Variants in SETBP1 observed in about 807,000 individuals in gnomAD.
SETBP1 encodes SET-binding protein.
Under a neutral mutation model 101.0 loss-of-function variants are expected in SETBP1, and 9 were observed. The ratio of observed to expected loss-of-function variants is 0.09; its 90% CI spans 0.05 to 0.16. The LOEUF (loss-of-function observed/expected upper bound fraction) is 0.16, where lower values mean the gene tolerates loss of function less well. Among genes scored for constraint, SETBP1 ranks in the 10% least tolerant of loss-of-function variants. The pLI is 1.00. For synonymous variants in SETBP1, 818 were observed against 788.5 expected, an observed-to-expected ratio of 1.04 and a Z score of -0.63; for missense variants, 1,858 against 2,033.8, an observed-to-expected ratio of 0.91 and a Z score of 1.66.
chr18:44,818,640 G>A (rs1472855761), intron 2 of SETBP1, among the ~76,000 whole-genome samples: 1 of 151,944 alleles, frequency 6.6e-6, no homozygotes, highest in African/African-American at 2.4e-5. Context: ...AAAGTTAAAG[G>A]TCTACAGAGA....
intron 4 of SETBP1, among the ~76,000 whole-genome samples, chr18:45,015,476 C>T (rs913920734): frequency 3.9e-5 from 6 of 152,086 alleles, no homozygotes; most frequent in Non-Finnish European, 8.8e-5. Flanking sequence ...CTTAACCTTT[C>T]GCAGGGCCTT....
chr18:44,760,677 A>C (rs570823707), intron 2 of SETBP1, among the ~76,000 whole-genome samples: 5 of 152,374 alleles, frequency 3.3e-5, no homozygotes, highest in Admixed American at 3.3e-4. Context: ...AGTGTGCGAT[A>C]ACAATACATT....
intron 2 of SETBP1, 88 bp downstream of exon 2, chr18:44,701,920 A>G (rs1568098063): frequency 6.2e-6 from 9 of 1,446,036 alleles, no homozygotes; most frequent in South Asian, 3.7e-5. Context: ...TTTATATATT[A>G]TATTTGACTC....
intron 4 of SETBP1, among the ~76,000 whole-genome samples, chr18:45,008,469 G>A (rs1476407014): frequency 1.3e-5 from 2 of 152,164 alleles, no homozygotes; most frequent in African/African-American, 4.8e-5. Flanking sequence ...CTGCCCTTAG[G>A]GAAGTAATGA....
chr18:44,948,525 A>ATAGATAGATAGATAGATAGG (rs1437028673), intron 3 of SETBP1, among the ~76,000 whole-genome samples: 1 of 152,180 alleles, frequency 6.6e-6, no homozygotes, highest in East Asian at 1.9e-4. Flanking sequence ...AGATAGATAG[A>ATAGATAGATAGATAGATAGG]TAGATGATAG....
intron 2 of SETBP1, among the ~76,000 whole-genome samples, chr18:44,727,110 G>A (rs529486052): frequency 1.3e-5 from 2 of 151,858 alleles, no homozygotes; most frequent in South Asian, 4.2e-4. Context: ...TGGGTAACTA[G>A]CATTGGAACA....
chr18:44,758,705 G>T (rs554285438), intron 2 of SETBP1, among the ~76,000 whole-genome samples: 1 of 152,180 alleles, frequency 6.6e-6, no homozygotes, highest in Non-Finnish European at 1.5e-5. Flanking sequence ...AAAAGATCTT[G>T]CTGCTGATTT....
At chr18:44,715,963 A>T (rs1250133586) in intron 2 of SETBP1, among the ~76,000 whole-genome samples, 1 of 152,088 alleles carries the variant, frequency 6.6e-6, no homozygotes, top group Non-Finnish European at 1.5e-5. Context: ...CTTCTCAGTC[A>T]TCTGTATCCT....
At chr18:44,915,992 G>A (rs1001515555) in intron 3 of SETBP1, among the ~76,000 whole-genome samples, 3 of 152,126 alleles carry the variant, frequency 2.0e-5, no homozygotes, top group Non-Finnish European at 4.4e-5. Flanking sequence ...TTGGGAGGCC[G>A]AGTCAGGCAG....
chr18:44,928,078 G>A (rs1029931989), intron 3 of SETBP1, among the ~76,000 whole-genome samples: 5 of 151,990 alleles, frequency 3.3e-5, no homozygotes, highest in South Asian at 2.1e-4. Flanking sequence ...TATCCCTCAC[G>A]CCTCACCCCA....
At chr18:45,026,316 C>T (rs940390790) in intron 4 of SETBP1, among the ~76,000 whole-genome samples, 2 of 152,088 alleles carry the variant, frequency 1.3e-5, no homozygotes, top group African/African-American at 4.8e-5. Flanking sequence ...CTTTGAGCAC[C>T]AAGCCAGCAT....
At chr18:44,909,933 C>T (rs890233714) in intron 3 of SETBP1, among the ~76,000 whole-genome samples, 2 of 152,208 alleles carry the variant, frequency 1.3e-5, no homozygotes, top group African/African-American at 4.8e-5. Context: ...AATTAAGACT[C>T]TTAAGAGCAG....
chr18:44,952,694 G>C lies in SETBP1; in HGVS notation c.3354G>C (p.Gln1118His). 6.2e-7 allele frequency: 1 copy of C among 1,614,132 alleles called. No individual in the cohort carries two copies. The highest frequency in any genetic ancestry group is 8.5e-7 in the Non-Finnish European group (1 of 1,180,028). ...AAGCCAAGCATGGAGTACACCTGCAGGGACCTGTTAGCATGGGCCTTGGTG... is the reference window on the plus strand; with the variant it reads ...AAGCCAAGCATGGAGTACACCTGCACGGACCTGTTAGCATGGGCCTTGGTG... The part of the protein sequence containing the change: ...KHKAKHGVHL[Q>H]GPVSMGLGDM... The change falls in exon 4 of 6, where the codon CAG becomes CAC. Residue 1118 changes from glutamine (Q) to histidine (H), a missense_variant. Physicochemically the swap from Gln to His is conservative, Grantham distance 24 (BLOSUM62 0). Transcript: ENST00000649279.
rs113870439 is a variant in SETBP1 at position 45,000,793 on chromosome 18, A to AACACACACACAC, written c.4001-37671_4001-37660dup. The stretch of plus-strand genomic sequence containing the variant: ...GCCATACATCAACGGGAATGCACAC[A>AACACACACACAC]ACACACACACACACACACACACACA... On this transcript the variant is annotated intron_variant, in intron 4 of 5. Coordinates refer to ENST00000649279, the MANE Select transcript of SETBP1 (RefSeq NM_015559.3). Among the ~76,000 whole-genome samples, 438 of 146,792 alleles carry AACACACACACAC rather than the reference A, an allele frequency of 3.0e-3. 1 individual carries two copies. Among genetic ancestry groups the AACACACACACAC allele is most frequent in the Middle Eastern group, 7.0e-3 (2 of 284 alleles).
chr18:44,880,247 TGGGGCATTG>T (rs1436995702), intron 3 of SETBP1, among the ~76,000 whole-genome samples: 1 of 152,164 alleles, frequency 6.6e-6, no homozygotes, highest in African/African-American at 2.4e-5. Context: ...TTGGATTTAA[TGGGGCATTG>T]GGGGAGTGAG....
At chr18:44,743,664 T>C (rs2070150986) in intron 2 of SETBP1, among the ~76,000 whole-genome samples, 1 of 152,184 alleles carries the variant, frequency 6.6e-6, no homozygotes, top group African/African-American at 2.4e-5. Flanking sequence ...GTGGCTAAAA[T>C]TAGGGGTCAA....
At chr18:45,045,792 A>T (rs2073600228) in intron 5 of SETBP1, among the ~76,000 whole-genome samples, 1 of 152,074 alleles carries the variant, frequency 6.6e-6, no homozygotes, top group Admixed American at 6.5e-5. Context: ...CCTTGGGAAA[A>T]GTTTAGCAAA....
At chr18:44,948,455 G>T (rs1004883279) in intron 3 of SETBP1, among the ~76,000 whole-genome samples, 14 of 151,186 alleles carry the variant, frequency 9.3e-5, no homozygotes, top group African/African-American at 3.4e-4. Context: ...AAGTTCTATA[G>T]CTTCAATGAA....
At chr18:44,930,978 T>C (rs1216818220) in intron 3 of SETBP1, among the ~76,000 whole-genome samples, 1 of 152,240 alleles carries the variant, frequency 6.6e-6, no homozygotes, top group East Asian at 1.9e-4. Context: ...TGCCTTCTGC[T>C]AGCTTTTGAA....
Sources: allele counts gnomAD v4.1 joint callset (sites outside exome capture counted in the v4.1 genomes callset), GRCh38; gene constraint gnomAD v4.1.1; transcripts MANE v1.5; gene names NCBI Gene and HGNC (gene_info 2026-07-23, HGNC 2026-07-21).